Variants in MCU observed in about 807,000 individuals in gnomAD.
MCU encodes the protein mitochondrial calcium uniporter, also known as calcium uniporter protein, mitochondrial.
MCU carries 12 observed loss-of-function variants against 45.2 expected under a neutral mutation model. That is an observed-to-expected ratio of 0.27 (90% CI 0.17 to 0.43). MCU has a LOEUF of 0.43. MCU is among the 20% of genes least tolerant of loss of function. The pLI is 1.00. For missense variants in MCU, 324 were observed against 436.7 expected, an observed-to-expected ratio of 0.74 and a Z score of 2.30; for synonymous variants, 160 against 165.1, an observed-to-expected ratio of 0.97 and a Z score of 0.24.
chr10:72,833,439 A>G (rs1328230044), intron 1 of MCU, among the ~76,000 whole-genome samples: 1 of 150,312 alleles, frequency 6.7e-6, no homozygotes, highest in Non-Finnish European at 1.5e-5. Context: ...AATGATAGTC[A>G]TACAAAGTCC....
At chr10:72,821,046 G>C (rs1459143064) in intron 1 of MCU, among the ~76,000 whole-genome samples, 3 of 151,906 alleles carry the variant, frequency 2.0e-5, no homozygotes, top group Non-Finnish European at 4.4e-5. Context: ...TGCCCATTCT[G>C]CTAACTGAAA....
At chr10:72,853,765 C>T (rs1277074735) in intron 2 of MCU, among the ~76,000 whole-genome samples, 2 of 152,052 alleles carry the variant, frequency 1.3e-5, no homozygotes, top group Non-Finnish European at 2.9e-5. Context: ...ACCTGTGAGC[C>T]CAGCATTTTG....
At position 72,724,220 on chromosome 10, in the gene MCU, A is replaced by G. The variant is rs140019493; in HGVS notation, c.150+31919A>G. Among the ~76,000 whole-genome samples the G allele has an allele frequency of 3.3e-3, 497 of 152,314 alleles. 1 individual carries two copies. The highest frequency in any genetic ancestry group is 0.011 in the African/African-American group (474 of 41,556). On this transcript the variant is annotated intron_variant, in intron 1 of 7. Transcript: ENST00000373053. Reference sequence around the variant, plus strand: ...TGAGTTTATAGAATGTATTCCTTGAAGTAGAAGGTATCAGAATTACTCTCT... The same window carrying G: ...TGAGTTTATAGAATGTATTCCTTGAGGTAGAAGGTATCAGAATTACTCTCT...
In MCU at chr10:72,693,409, A is replaced by G. The variant is rs1013707205; in HGVS notation, c.150+1108A>G. Reference sequence around the variant, plus strand: ...TGTATAGTGTGATTATTGGAGGATCACTGCAAACAGCTTGATAGGAGAAAC... The same window carrying G: ...TGTATAGTGTGATTATTGGAGGATCGCTGCAAACAGCTTGATAGGAGAAAC... On this transcript the variant is annotated intron_variant, in intron 1 of 7. Coordinates refer to ENST00000373053, the MANE Select transcript of MCU (RefSeq NM_138357.3). 2.0e-5 allele frequency among the ~76,000 whole-genome samples: 3 copies of G among 152,160 alleles called. No individual in the cohort carries two copies. The South Asian group carries it at 6.2e-4, about 32-fold the overall frequency.
At chr10:72,838,378 C>T (rs921019088) in intron 2 of MCU, among the ~76,000 whole-genome samples, 1 of 152,102 alleles carries the variant, frequency 6.6e-6, no homozygotes, top group Non-Finnish European at 1.5e-5. Flanking sequence ...CTTTGGGAGG[C>T]CAAGGCAGGA....
intron 1 of MCU, among the ~76,000 whole-genome samples, chr10:72,813,460 T>TTC (rs1844576105): frequency 7.4e-6 from 1 of 135,400 alleles, no homozygotes; most frequent in Non-Finnish European, 1.6e-5. Flanking sequence ...CTTTTTTTTT[T>TTC]TTTTTTTTTT....
At chr10:72,880,617 A>G (rs372699776) in intron 6 of MCU, among the ~76,000 whole-genome samples, 9 of 152,194 alleles carry the variant, frequency 5.9e-5, no homozygotes, top group South Asian at 2.1e-4. Flanking sequence ...GGGATTGGGG[A>G]AGAGATTTGA....
intron 1 of MCU, among the ~76,000 whole-genome samples, chr10:72,806,979 A>G (rs1844462415): frequency 6.6e-6 from 1 of 152,262 alleles, no homozygotes; most frequent in Non-Finnish European, 1.5e-5. Flanking sequence ...TGGGAGAGGC[A>G]TACAGCTAAC....
chr10:72,877,156 A>G (rs555971258), intron 6 of MCU, among the ~76,000 whole-genome samples: 1 of 152,094 alleles, frequency 6.6e-6, no homozygotes, highest in Non-Finnish European at 1.5e-5. Flanking sequence ...CCTGAGCTCC[A>G]GTGATCCTCC....
intron 1 of MCU, among the ~76,000 whole-genome samples, chr10:72,717,123 C>T (rs960091372): frequency 1.7e-5 from 2 of 116,268 alleles, no homozygotes; most frequent in East Asian, 1.9e-4. Flanking sequence ...TTCTCTCTCT[C>T]TCTCTTTTTT....
rs186014857 is a variant in MCU, at chr10:72,741,390, C to T, written c.150+49089C>T. 2.4e-3 allele frequency among the ~76,000 whole-genome samples: 358 copies of T among 152,238 alleles called. 1 individual carries two copies. Among genetic ancestry groups the T allele is most frequent in the African/African-American group, 8.1e-3 (338 of 41,550 alleles). ...TGCTGGGATTAAAGGCGTGAGCCAC[C>T]GTGCCTGGCGAGAGTAGCATTTTCT... On this transcript the variant is annotated intron_variant, in intron 1 of 7. Coordinates refer to ENST00000373053, the MANE Select transcript of MCU (RefSeq NM_138357.3).
intron 6 of MCU, among the ~76,000 whole-genome samples, chr10:72,875,180 C>T (rs1845599631): frequency 6.6e-6 from 1 of 152,140 alleles, no homozygotes; most frequent in Admixed American, 6.6e-5. Context: ...GCTCACTTTC[C>T]ACTCAATTAT....
At position 72,882,789 on chromosome 10, in the gene MCU, C is replaced by T. The variant is rs1338888081; in HGVS notation, c.862-1477C>T. Among the ~76,000 whole-genome samples the T allele has an allele frequency of 2.0e-5, 3 of 152,084 alleles. No individual in the cohort carries two copies. In the East Asian group the frequency reaches 5.8e-4, roughly 29 times the overall value. The stretch of plus-strand genomic sequence containing the variant: ...TTGTGATGTATGTGATCTCTGTGAC[C>T]CACACCCTATTCGTACACTCCCTCC... On this transcript the variant is annotated intron_variant, in intron 6 of 7. Transcript: ENST00000373053.
chr10:72,796,693 G>GTTTTTTTTTTTT (rs34029455), intron 1 of MCU, among the ~76,000 whole-genome samples: 1 of 133,964 alleles, frequency 7.5e-6, no homozygotes. Context: ...TTTAGTTTTT[G>GTTTTTTTTTTTT]TTTTTTTTTT....
chr10:72,855,865 TTAAA>T (rs1267631788), intron 2 of MCU, among the ~76,000 whole-genome samples: 1 of 152,154 alleles, frequency 6.6e-6, no homozygotes, highest in African/African-American at 2.4e-5. Flanking sequence ...GAAACTCACT[TTAAA>T]TAAAACATGG....
intron 1 of MCU, among the ~76,000 whole-genome samples, chr10:72,829,786 C>G (rs1358443122): frequency 6.6e-6 from 1 of 151,908 alleles, no homozygotes; most frequent in Non-Finnish European, 1.5e-5. Context: ...CAATTGCTTC[C>G]TTGGTTTTTG....
intron 1 of MCU, among the ~76,000 whole-genome samples, chr10:72,734,283 T>C (rs528180528): frequency 2.6e-5 from 4 of 152,294 alleles, no homozygotes; most frequent in African/African-American, 9.6e-5. Flanking sequence ...TTTACTCAGA[T>C]CTAAAATGGA....
chr10:72,872,982 ATTTG>A (rs921645324), intron 6 of MCU, among the ~76,000 whole-genome samples: 1 of 42,122 alleles, frequency 2.4e-5, no homozygotes, highest in Non-Finnish European at 5.7e-5. Context: ...GGGTTTTTTT[ATTTG>A]TTTGTTTTTG....
At chr10:72,843,333 C>T (rs1375990800) in intron 2 of MCU, among the ~76,000 whole-genome samples, 1 of 152,192 alleles carries the variant, frequency 6.6e-6, no homozygotes, top group Non-Finnish European at 1.5e-5. Flanking sequence ...TAACTCCTGG[C>T]AGGCAGGTAC....
Sources: gnomAD v4.1 joint callset for allele counts (sites outside exome capture counted in the v4.1 genomes callset) on GRCh38, gnomAD v4.1.1 for gene constraint, MANE v1.5 for transcripts, NCBI Gene and HGNC (gene_info 2026-07-23, HGNC 2026-07-21) for gene names.